PGAP1: variants seen among roughly 807,000 people sequenced by gnomAD.
PGAP1 encodes post-GPI attachment to proteins inositol deacylase 1.
Under a neutral mutation model 127.0 loss-of-function variants are expected in PGAP1, and 76 were observed. That is an observed-to-expected ratio of 0.60 (90% CI 0.50 to 0.72). The LOEUF (loss-of-function observed/expected upper bound fraction) is 0.72. PGAP1 is among the 30% of genes least tolerant of loss of function. PGAP1 has a pLI of 0.00. For synonymous variants in PGAP1, 362 were observed against 366.5 expected, an observed-to-expected ratio of 0.99 and a Z score of 0.14; for missense variants, 982 against 1,071.3, an observed-to-expected ratio of 0.92 and a Z score of 1.16.
At position 196,926,601 on chromosome 2, in the gene PGAP1, C is replaced by T. The variant is rs764059721; in HGVS notation, c.16G>A (p.Val6Ile). Residue 6 changes from valine (V) to isoleucine (I), a missense_variant, in exon 1 of 27, where the codon GTT (valine) becomes ATT (isoleucine). By Grantham distance (29) the Val-to-Ile change is conservative. Coordinates refer to ENST00000354764, the MANE Select transcript of PGAP1 (RefSeq NM_024989.4). ...TAAAACGCCAGGTTCCAGAGATTAA[C>T]TGAGTGAAGAAACATGGTGCCGCCA... is the stretch of plus-strand genomic sequence containing the variant. MFLHS[V>I]NLWNLAFYVF... 1.2e-6 allele frequency: 2 copies of T among 1,614,210 alleles called. No individual in the cohort carries two copies. The highest frequency in any genetic ancestry group is 1.7e-6 in the Non-Finnish European group (2 of 1,180,020).
chr2:196,862,286 C>CA (rs769727113), intron 20 of PGAP1, among the ~76,000 whole-genome samples: 1 of 152,096 alleles, frequency 6.6e-6, no homozygotes, highest in Non-Finnish European at 1.5e-5. Context: ...CCCAGTCTCT[C>CA]ATAGTGCTCC....
chr2:196,834,882 A>C lies in PGAP1; in HGVS notation c.*6352T>G, dbSNP rs1272593967. On this transcript the variant is annotated 3_prime_UTR_variant, in exon 27 of 27. Transcript: ENST00000354764. ...GGCCTTGTACACTATCTTTTTACTAATAACACCTATGGTCCCCATTAGAAT... is the reference window on the plus strand; with the variant it reads ...GGCCTTGTACACTATCTTTTTACTACTAACACCTATGGTCCCCATTAGAAT... 6.6e-6 allele frequency: 1 copy of C among 152,032 alleles called. No individual in the cohort carries two copies. 9.4% of individuals were successfully genotyped at this position (152,032 alleles called of 1,614,324 possible).
Position 196,842,721 on chromosome 2 carries a change from C to T in PGAP1, c.2630G>A (p.Ser877Asn). The T allele has an allele frequency of 6.6e-7, 1 of 1,507,148 alleles. No homozygotes were observed. The allele number at this position is 1,507,148 out of a possible 1,614,324, so 93.4% of individuals were successfully genotyped here. A position where few individuals can be genotyped will look rare whatever the true frequency, so the allele number is the denominator to read the frequency against. ...GNTYTVSIKS[S>N]KLLKTTSQFP... ...AAAAAGAAAGATTAAACTACTGTACCTTGATTTTATTGAAACAGTGTAAGT... is the reference window on the plus strand; with the variant it reads ...AAAAAGAAAGATTAAACTACTGTACTTTGATTTTATTGAAACAGTGTAAGT... Residue 877 changes from serine (S) to asparagine (N), a missense_variant and splice_region_variant, in exon 26 of 27, where the codon AGT becomes AAT. Physicochemically the swap from Ser to Asn is conservative, Grantham distance 46. Coordinates refer to ENST00000354764, the MANE Select transcript of PGAP1 (RefSeq NM_024989.4).
Position 196,890,882 on chromosome 2 carries a change from A to G in PGAP1, c.1119T>C (p.Pro373=). 6.5e-7 allele frequency: 1 copy of G among 1,538,864 alleles called. No individual in the cohort carries two copies. The highest frequency in any genetic ancestry group is 9.0e-7 in the Non-Finnish European group (1 of 1,112,176). The change falls in exon 10 of 27, where the codon CCT becomes CCC. Residue 373 remains proline, a synonymous_variant. Coordinates refer to ENST00000354764, the MANE Select transcript of PGAP1 (RefSeq NM_024989.4). Reference sequence around the variant, plus strand: ...TGTAGATTTTTCTATGATTTTCAAGAGGAAATGTAAAATATATCTTCTCAG... The same window carrying G: ...TGTAGATTTTTCTATGATTTTCAAGGGGAAATGTAAAATATATCTTCTCAG... The part of the protein sequence containing the change: ...NESEKIYFTF[P]LENHRKIYTH...
In PGAP1 at chr2:196,835,308, T is replaced by A. The variant is rs1240260859; in HGVS notation, c.*5926A>T. ...CATGTGACTATATAAAGAGACTGAA[T>A]GGAAATACATAAAAAACAAAAGAAA... On this transcript the variant is annotated 3_prime_UTR_variant, in exon 27 of 27. Coordinates refer to ENST00000354764, the MANE Select transcript of PGAP1 (RefSeq NM_024989.4). 6.6e-6 allele frequency: 1 copy of A among 151,958 alleles called. No homozygotes were observed. The highest frequency in any genetic ancestry group is 1.5e-5 in the Non-Finnish European group (1 of 67,860). 9.4% of individuals were successfully genotyped at this position (151,958 alleles called of 1,614,324 possible). A position where few individuals can be genotyped will look rare whatever the true frequency, so the allele number is the denominator to read the frequency against.
At chr2:196,897,104 A>G (rs1475088997) in intron 7 of PGAP1, 27 bp downstream of exon 7, 1 of 1,309,192 alleles carries the variant, frequency 7.6e-7, no homozygotes, top group South Asian at 1.4e-5. Flanking sequence ...CTTTCATTTA[A>G]ATAATTTTTA....
At chr2:196,878,703 A>T (rs1701639132) in intron 13 of PGAP1, among the ~76,000 whole-genome samples, 1 of 152,190 alleles carries the variant, frequency 6.6e-6, no homozygotes, top group South Asian at 2.1e-4. Context: ...GAATCCTCCA[A>T]TCAAAACTTT....
At chr2:196,859,224 G>A (rs994710472) in intron 20 of PGAP1, among the ~76,000 whole-genome samples, 1 of 152,146 alleles carries the variant, frequency 6.6e-6, no homozygotes, top group African/African-American at 2.4e-5. Flanking sequence ...CTACTTGGGA[G>A]ACTGAAGCAC....
At position 196,833,600 on chromosome 2, in the gene PGAP1, A is replaced by G. The variant is rs952169279; in HGVS notation, c.*7634T>C. 4 of 152,198 alleles carry G rather than the reference A, an allele frequency of 2.6e-5. No homozygotes were observed. Among genetic ancestry groups the G allele is most frequent in the African/African-American group, 9.6e-5 (4 of 41,470 alleles). 9.4% of individuals were successfully genotyped at this position (152,198 alleles called of 1,614,324 possible). A position where few individuals can be genotyped will look rare whatever the true frequency, so the allele number is the denominator to read the frequency against. On this transcript the variant is annotated 3_prime_UTR_variant, in exon 27 of 27. Coordinates refer to ENST00000354764, the MANE Select transcript of PGAP1 (RefSeq NM_024989.4). ...CCTTGCTCAAACTACCTTCATGTCA[A>G]TAAGATCATGTTTTAAGGAAAGACA...
At chr2:196,887,065 T>C (rs561123085) in intron 10 of PGAP1, among the ~76,000 whole-genome samples, 2 of 152,326 alleles carry the variant, frequency 1.3e-5, no homozygotes, top group East Asian at 3.9e-4. Context: ...AGGATGGAAA[T>C]GCTGCAGAGA....
intron 4 of PGAP1, among the ~76,000 whole-genome samples, chr2:196,906,995 G>A (rs1702743115): frequency 6.9e-6 from 1 of 144,552 alleles, no homozygotes; most frequent in Non-Finnish European, 1.5e-5. Flanking sequence ...TGAAAGAGAT[G>A]TGGAGAATGG....
At chr2:196,914,681 C>T (rs1164370844) in intron 3 of PGAP1, among the ~76,000 whole-genome samples, 3 of 151,910 alleles carry the variant, frequency 2.0e-5, no homozygotes, top group Non-Finnish European at 4.4e-5. Context: ...ATACACAGTA[C>T]TTGCTATTGC....
At chr2:196,863,056 G>A (rs1002390654) in intron 20 of PGAP1, among the ~76,000 whole-genome samples, 6 of 152,058 alleles carry the variant, frequency 3.9e-5, no homozygotes, top group Non-Finnish European at 8.8e-5. Flanking sequence ...TTAACAAAAA[G>A]ACAAAAAATA....
chr2:196,876,998 A>G (rs974934658), intron 13 of PGAP1, among the ~76,000 whole-genome samples: 1 of 152,062 alleles, frequency 6.6e-6, no homozygotes, highest in Non-Finnish European at 1.5e-5. Context: ...TTTACAAAGT[A>G]CTTTTGGATA....
chr2:196,919,958 A>AT (rs1432036604), intron 2 of PGAP1, 39 bp downstream of exon 2: 2 of 1,576,994 alleles, frequency 1.3e-6, no homozygotes, highest in East Asian at 4.5e-5. Context: ...CTTGAGTTGA[A>AT]TTTTATAGCT....
chr2:196,868,516 T>C (rs750696855), intron 19 of PGAP1, among the ~76,000 whole-genome samples: 1 of 152,224 alleles, frequency 6.6e-6, no homozygotes, highest in Non-Finnish European at 1.5e-5. Flanking sequence ...TTGACTTACA[T>C]GTCAACATTG....
chr2:196,842,386 ATG>A (rs1339823764), intron 26 of PGAP1, among the ~76,000 whole-genome samples: 1 of 152,160 alleles, frequency 6.6e-6, no homozygotes, highest in Non-Finnish European at 1.5e-5. Flanking sequence ...ATGAACCCTC[ATG>A]TAAGCATTAC....
intron 1 of PGAP1, among the ~76,000 whole-genome samples, chr2:196,922,908 T>A (rs938772370): frequency 1.3e-5 from 2 of 152,008 alleles, no homozygotes; most frequent in Non-Finnish European, 2.9e-5. Context: ...CAGGCTGGTC[T>A]TGAACTCCTG....
chr2:196,849,012 C>T (rs533044302), intron 20 of PGAP1, among the ~76,000 whole-genome samples: 1 of 152,192 alleles, frequency 6.6e-6, no homozygotes, highest in South Asian at 2.1e-4. Flanking sequence ...TGGGTATAAT[C>T]CACAGGTGAT....
Sources: gnomAD v4.1 joint callset for allele counts (sites outside exome capture counted in the v4.1 genomes callset) on GRCh38, gnomAD v4.1.1 for gene constraint, MANE v1.5 for transcripts, NCBI Gene and HGNC (gene_info 2026-07-23, HGNC 2026-07-21) for gene names.